Variants in RYR2 observed in about 807,000 individuals in gnomAD.
RYR2 encodes cardiac muscle ryanodine receptor-calcium release channel.
RYR2 carries 227 observed loss-of-function variants against 601.1 expected under a neutral mutation model. The observed-to-expected ratio is 0.38, with a 90% CI of 0.34 to 0.42. The LOEUF (loss-of-function observed/expected upper bound fraction) is 0.42. Among genes scored for constraint, RYR2 ranks in the 10% least tolerant of loss-of-function variants. The pLI, the probability that RYR2 is intolerant of heterozygous loss-of-function variation, is 1.00. For synonymous variants in RYR2, 2,223 were observed against 2,175.1 expected (o/e 1.02, Z -0.61); for missense variants, 4,646 against 6,156.5 (o/e 0.75, Z 8.21).
chr1:237,070,583 T>C lies in RYR2; in HGVS notation c.48+28014T>C, dbSNP rs77802293. On this transcript the variant is annotated intron_variant, in intron 1 of 104. Transcript: ENST00000366574. Reference sequence around the variant, plus strand: ...GTTTTGCTTGCTCCCACTGGGCTTATTTCGCCCACATGGCCCGGCAGGCTG... The same window carrying C: ...GTTTTGCTTGCTCCCACTGGGCTTACTTCGCCCACATGGCCCGGCAGGCTG... Among the ~76,000 whole-genome samples, 1,002 of 152,296 alleles carry C rather than the reference T, an allele frequency of 6.6e-3. 9 individuals carry two copies. Among genetic ancestry groups the C allele is most frequent in the African/African-American group, 0.023 (952 of 41,570 alleles).
chr1:237,274,305 G>A (rs1021198786), intron 2 of RYR2, among the ~76,000 whole-genome samples: 30 of 151,342 alleles, frequency 2.0e-4, no homozygotes, highest in South Asian at 6.2e-4. Context: ...TCATAATGGA[G>A]CTGAAAAATT....
chr1:237,204,780 A>C (rs990729745), intron 1 of RYR2, among the ~76,000 whole-genome samples: 1 of 152,224 alleles, frequency 6.6e-6, no homozygotes, highest in Non-Finnish European at 1.5e-5. Context: ...AGGAGATTCA[A>C]CAAGAAAACC....
In RYR2 at chr1:237,610,457, A is replaced by T. The variant is rs1287355959; in HGVS notation, c.4684-305A>T. On this transcript the variant is annotated intron_variant, in intron 35 of 104. Transcript: ENST00000366574. The surrounding 1 kb of genome is among the most constrained non-coding windows in gnomAD (Gnocchi z 4.9). ...TCCCGGAGGTCCCAGCCTGGTAAAGAAATATAAAGGATATATGGGTATGCT... is the reference window on the plus strand; with the variant it reads ...TCCCGGAGGTCCCAGCCTGGTAAAGTAATATAAAGGATATATGGGTATGCT... 6.6e-6 allele frequency among the ~76,000 whole-genome samples: 1 copy of T among 152,212 alleles called. No individual in the cohort carries two copies. The highest frequency in any genetic ancestry group is 1.5e-5 in the Non-Finnish European group (1 of 68,034).
intron 16 of RYR2, among the ~76,000 whole-genome samples, chr1:237,462,604 G>T (rs1025903299): frequency 2.6e-5 from 4 of 152,146 alleles, no homozygotes; most frequent in African/African-American, 9.7e-5. Context: ...AAACCAACAA[G>T]GATAGATTGC....
intron 49 of RYR2, among the ~76,000 whole-genome samples, chr1:237,649,025 A>G (rs1682454503): frequency 6.6e-6 from 1 of 152,244 alleles, no homozygotes; most frequent in Non-Finnish European, 1.5e-5. Flanking sequence ...GATATTGTTG[A>G]GTCAGTATCA....
At chr1:237,532,925 T>C (rs1012688214) in intron 25 of RYR2, among the ~76,000 whole-genome samples, 2 of 152,222 alleles carry the variant, frequency 1.3e-5, no homozygotes, top group African/African-American at 4.8e-5. Flanking sequence ...GGTTAATACA[T>C]GTCCCCATGA....
intron 1 of RYR2, among the ~76,000 whole-genome samples, chr1:237,162,925 C>G (rs1676201104): frequency 6.6e-6 from 1 of 152,034 alleles, no homozygotes; most frequent in African/African-American, 2.4e-5. Context: ...CTGAGACTCT[C>G]CAAGGGAAAG....
chr1:237,658,302 A>G (rs988540378), intron 54 of RYR2, among the ~76,000 whole-genome samples: 1 of 86,982 alleles, frequency 1.1e-5, no homozygotes, highest in African/African-American at 2.9e-5. Context: ...TGTTTATCAG[A>G]GTAAAAAAGC....
intron 21 of RYR2, among the ~76,000 whole-genome samples, chr1:237,502,569 G>A (rs1664770472): frequency 6.6e-6 from 1 of 152,078 alleles, no homozygotes. Flanking sequence ...TAGGGAATGA[G>A]CAACCCAGAT....
intron 73 of RYR2, among the ~76,000 whole-genome samples, chr1:237,721,894 G>C (rs564042123): frequency 1.3e-5 from 2 of 152,044 alleles, no homozygotes; most frequent in East Asian, 3.9e-4. Context: ...CCATTAAATT[G>C]CTTGCTTTTG....
intron 1 of RYR2, among the ~76,000 whole-genome samples, chr1:237,152,480 AG>A (rs1262850374): frequency 6.6e-6 from 1 of 152,170 alleles, no homozygotes; most frequent in African/African-American, 2.4e-5. Flanking sequence ...ACAGTGTAAA[AG>A]TGCTCTTATT....
intron 21 of RYR2, among the ~76,000 whole-genome samples, chr1:237,502,993 C>T (rs2618700): frequency 2.6e-5 from 4 of 151,856 alleles, no homozygotes; most frequent in Admixed American, 1.3e-4. Context: ...ACTTCATTCC[C>T]GTAAGAATGT....
chr1:237,670,342 G>C (rs925202751), intron 58 of RYR2, among the ~76,000 whole-genome samples: 1 of 149,646 alleles, frequency 6.7e-6, no homozygotes, highest in Non-Finnish European at 1.5e-5. Context: ...AGGGAGACGG[G>C]AGAGGGAGAG....
At chr1:237,727,439 G>C (rs1690294113) in intron 76 of RYR2, among the ~76,000 whole-genome samples, 1 of 152,148 alleles carries the variant, frequency 6.6e-6, no homozygotes, top group Non-Finnish European at 1.5e-5. Context: ...TGAGGCAAGA[G>C]AGAGTCATTA....
At chr1:237,237,945 C>CCCTTTCCTTTCCTTTCCTT (rs1685744157) in intron 1 of RYR2, among the ~76,000 whole-genome samples, 1 of 35,500 alleles carries the variant, frequency 2.8e-5, no homozygotes, top group Admixed American at 4.5e-4. Context: ...CTTTCCTTTC[C>CCCTTTCCTTTCCTTTCCTT]CCTTTCCTTT....
chr1:237,759,733 A>C, intron 82 of RYR2, 43 bp from the exon 83 acceptor site: 1 of 1,160,720 alleles, frequency 8.6e-7, no homozygotes, highest in East Asian at 2.3e-5. Flanking sequence ...ACAAACAATA[A>C]GATTTTTGTT....
intron 1 of RYR2, among the ~76,000 whole-genome samples, chr1:237,098,305 A>G (rs1487914224): frequency 1.3e-5 from 2 of 151,642 alleles, no homozygotes; most frequent in East Asian, 3.9e-4. Flanking sequence ...TGTACATATG[A>G]TGTTTTGATT....
intron 29 of RYR2, among the ~76,000 whole-genome samples, chr1:237,582,998 C>T (rs1172529840): frequency 2.0e-5 from 3 of 151,392 alleles, no homozygotes; most frequent in African/African-American, 7.3e-5. Context: ...TTTGAGAAAT[C>T]TCCAAACTGC....
intron 1 of RYR2, among the ~76,000 whole-genome samples, chr1:237,170,549 A>T (rs1228886736): frequency 2.0e-5 from 3 of 152,208 alleles, no homozygotes; most frequent in Non-Finnish European, 4.4e-5. Flanking sequence ...TTTGTAGCTT[A>T]AAAAAAGTAT....
Sources: allele counts gnomAD v4.1 joint callset (sites outside exome capture counted in the v4.1 genomes callset), GRCh38; gene constraint gnomAD v4.1.1; non-coding constraint Gnocchi (gnomAD v3.1); transcripts MANE v1.5; gene names NCBI Gene and HGNC (gene_info 2026-07-23, HGNC 2026-07-21).